Variants in SLC25A26 observed in about 807,000 individuals in gnomAD.
The protein encoded by SLC25A26 is solute carrier family 25 member 26.
Under a neutral mutation model 37.8 loss-of-function variants are expected in SLC25A26, and 36 were observed. The observed-to-expected ratio is 0.95, with a 90% confidence interval of 0.73 to 1.26. The LOEUF (loss-of-function observed/expected upper bound fraction) is 1.26. SLC25A26 is among the 50% of genes most tolerant of loss of function. The probability of loss-of-function intolerance (pLI) is 0.00; values close to 1 mark genes in which losing one functional copy is unlikely to be tolerated. For missense variants in SLC25A26, 390 were observed against 331.1 expected (o/e 1.18, Z -1.38); for synonymous variants, 129 against 122.5 (o/e 1.05, Z -0.35).
At chr3:66,290,946 G>C (rs765435381) in intron 5 of SLC25A26, among the ~76,000 whole-genome samples, 5 of 152,046 alleles carry the variant, frequency 3.3e-5, no homozygotes, top group Admixed American at 6.6e-5. Flanking sequence ...TCTGGTACTG[G>C]GCCTTTTTTG....
intron 1 of SLC25A26, among the ~76,000 whole-genome samples, chr3:66,163,067 C>T (rs528051371): frequency 6.6e-6 from 1 of 152,198 alleles, no homozygotes; most frequent in African/African-American, 2.4e-5. Flanking sequence ...TTCCAAGAAG[C>T]CCTGCAGTGC....
chr3:66,203,676 A>C (rs2071137577), intron 1 of SLC25A26, among the ~76,000 whole-genome samples: 1 of 152,374 alleles, frequency 6.6e-6, no homozygotes. Flanking sequence ...AGAGAAAAAA[A>C]GAAAAGACTG....
chr3:66,303,349 CTG>C (rs955286670), intron 5 of SLC25A26, among the ~76,000 whole-genome samples: 5 of 152,174 alleles, frequency 3.3e-5, no homozygotes, highest in African/African-American at 1.2e-4. Flanking sequence ...GAACAGCTAA[CTG>C]TGTTGGAGGA....
intron 5 of SLC25A26, among the ~76,000 whole-genome samples, chr3:66,269,767 G>A (rs956962559): frequency 1.3e-5 from 2 of 152,080 alleles, no homozygotes; most frequent in Non-Finnish European, 2.9e-5. Context: ...CCCCCTTCTT[G>A]TATCAGTGCT....
At chr3:66,237,853 A>G (rs2072370703) in intron 2 of SLC25A26, among the ~76,000 whole-genome samples, 1 of 152,320 alleles carries the variant, frequency 6.6e-6, no homozygotes, top group Middle Eastern at 3.4e-3. Context: ...AGGATGATTC[A>G]TGAGAATTTT....
chr3:66,267,664 T>C (rs1363607013), intron 5 of SLC25A26, among the ~76,000 whole-genome samples: 2 of 152,110 alleles, frequency 1.3e-5, no homozygotes, highest in African/African-American at 4.8e-5. Flanking sequence ...AGTAAAGAGA[T>C]TTGAGATAGG....
chr3:66,145,073 T>C (rs896341233), intron 1 of SLC25A26, among the ~76,000 whole-genome samples: 3 of 152,002 alleles, frequency 2.0e-5, no homozygotes, highest in African/African-American at 7.3e-5. Context: ...TACTGTAAAA[T>C]CAATGGATTG....
intron 5 of SLC25A26, among the ~76,000 whole-genome samples, chr3:66,294,814 G>A (rs2074842071): frequency 6.6e-6 from 1 of 152,130 alleles, no homozygotes; most frequent in African/African-American, 2.4e-5. Context: ...GTAATTGTTA[G>A]GAAAGTCTTT....
intron 1 of SLC25A26, among the ~76,000 whole-genome samples, chr3:66,209,911 TATA>T (rs2071259751): frequency 7.3e-5 from 2 of 27,450 alleles, no homozygotes; most frequent in African/African-American, 2.5e-4. Context: ...TATATATATA[TATA>T]TATATATATA....
At chr3:66,196,613 TTAAC>T (rs1352034983) in intron 1 of SLC25A26, among the ~76,000 whole-genome samples, 23 of 152,288 alleles carry the variant, frequency 1.5e-4, no homozygotes, top group Admixed American at 2.6e-4. Flanking sequence ...AATAAAGTGT[TTAAC>T]TATAGCCTTA....
intron 3 of SLC25A26, among the ~76,000 whole-genome samples, chr3:66,258,604 A>G (rs2073397236): frequency 6.6e-6 from 1 of 152,218 alleles, no homozygotes; most frequent in Admixed American, 6.5e-5. Context: ...TAATAGCCAC[A>G]TTAAAAAAGG....
intron 5 of SLC25A26, among the ~76,000 whole-genome samples, chr3:66,300,256 G>GT (rs916553948): frequency 0.034 from 3,926 of 116,548 alleles, 151 homozygotes; most frequent in African/African-American, 0.087. Flanking sequence ...TTTTTGTTTT[G>GT]TTTTTTTTTT....
At chr3:66,340,887 T>TAA (rs11452433) in intron 5 of SLC25A26, among the ~76,000 whole-genome samples, 54 of 150,956 alleles carry the variant, frequency 3.6e-4, no homozygotes, top group African/African-American at 9.7e-4. Context: ...TAATTTTTTG[T>TAA]AAAAAAAAAG....
intron 1 of SLC25A26, among the ~76,000 whole-genome samples, chr3:66,202,727 AT>A (rs1227261418): frequency 6.6e-6 from 1 of 152,136 alleles, no homozygotes; most frequent in African/African-American, 2.4e-5. Context: ...AAGAACTCCC[AT>A]TTTAAAAAAA....
intron 5 of SLC25A26, among the ~76,000 whole-genome samples, chr3:66,315,013 C>G (rs911594601): frequency 1.4e-5 from 2 of 147,854 alleles, no homozygotes; most frequent in Non-Finnish European, 3.0e-5. Flanking sequence ...TTCTTTTCTT[C>G]TTTATTAGTC....
chr3:66,139,077 T>A lies in SLC25A26; in HGVS notation c.-354+5093T>A, dbSNP rs1316210264. 2.7e-5 allele frequency among the ~76,000 whole-genome samples: 4 copies of A among 150,210 alleles called. No individual in the cohort carries two copies. The East Asian group carries it at 8.0e-4, about 30-fold the overall frequency. On this transcript the variant is annotated intron_variant, in intron 1 of 10. Transcript: ENST00000676754. ...CCTCTTTTCCTCTGCCCCAGGAGAA[T>A]GAAATTCTAAAGTTCTCAGCTTTTC...
At chr3:66,336,473 A>C (rs1192143380) in intron 5 of SLC25A26, among the ~76,000 whole-genome samples, 1 of 152,202 alleles carries the variant, frequency 6.6e-6, no homozygotes, top group African/African-American at 2.4e-5. Flanking sequence ...ATATTTGATA[A>C]AAGATTAAAG....
intron 5 of SLC25A26, among the ~76,000 whole-genome samples, chr3:66,316,682 A>G (rs1330380482): frequency 1.3e-5 from 2 of 152,072 alleles, no homozygotes; most frequent in Admixed American, 6.5e-5. Context: ...AGGTTGAGGA[A>G]GTTCTCCTGG....
intron 1 of SLC25A26, among the ~76,000 whole-genome samples, chr3:66,187,766 C>T (rs1311760794): frequency 7.3e-6 from 1 of 136,556 alleles, no homozygotes; most frequent in African/African-American, 2.7e-5. Context: ...GGACCTTGTC[C>T]CTGAGACTCA....
Sources: allele counts gnomAD v4.1 joint callset (sites outside exome capture counted in the v4.1 genomes callset), GRCh38; gene constraint gnomAD v4.1.1; transcripts MANE v1.5; gene names NCBI Gene and HGNC (gene_info 2026-07-23, HGNC 2026-07-21).